Variants in UGT1A3 observed in about 807,000 individuals in gnomAD.
UGT1A3 encodes UDP glucuronosyltransferase family 1 member A3.
UGT1A3 carries 31 observed loss-of-function variants against 41.0 expected under a neutral mutation model. The ratio of observed to expected loss-of-function variants is 0.76; its 90% CI spans 0.57 to 1.02. The LOEUF (loss-of-function observed/expected upper bound fraction) is 1.02. Among genes scored for constraint, UGT1A3 ranks in the 50% least tolerant of loss-of-function variants. The pLI is 0.00. For missense variants in UGT1A3, 737 were observed against 671.0 expected (o/e 1.10, Z -1.09); for synonymous variants, 262 against 257.6 (o/e 1.02, Z -0.17).
chr2:233,738,397 G>A (rs1161112118), intron 1 of UGT1A3, among the ~76,000 whole-genome samples: 2 of 152,236 alleles, frequency 1.3e-5, no homozygotes, highest in Non-Finnish European at 2.9e-5. Context: ...AAGTGACTTG[G>A]AACTGGGTAA....
chr2:233,743,876 G>A (rs1382161508), intron 1 of UGT1A3: 2 of 1,367,016 alleles, frequency 1.5e-6, no homozygotes. Flanking sequence ...CTCGGATGAG[G>A]CCTGCCGGGG....
At chr2:233,734,961 G>T (rs2078591485) in intron 1 of UGT1A3, among the ~76,000 whole-genome samples, 1 of 152,202 alleles carries the variant, frequency 6.6e-6, no homozygotes, top group South Asian at 2.1e-4. Flanking sequence ...GAATAAGTGT[G>T]ATGTGGTGCT....
At chr2:233,747,652 A>G in intron 1 of UGT1A3, 1 of 1,589,470 alleles carries the variant, frequency 6.3e-7, no homozygotes, top group East Asian at 2.2e-5. Flanking sequence ...ACTTCCTTCG[A>G]TGTGGTTTTA....
intron 1 of UGT1A3, among the ~76,000 whole-genome samples, chr2:233,740,113 T>C (rs1443736417): frequency 6.6e-6 from 1 of 151,884 alleles, no homozygotes. Flanking sequence ...CCTTTGCTTA[T>C]CTCTCACCTT....
intron 1 of UGT1A3, chr2:233,755,174 G>T (rs868590389): frequency 1.1e-5 from 14 of 1,248,736 alleles, no homozygotes; most frequent in Middle Eastern, 4.4e-4. Flanking sequence ...GGTTTTTGTC[G>T]GGGTGCCACT....
intron 1 of UGT1A3, chr2:233,760,819 A>C (rs1210599713): frequency 1.2e-6 from 2 of 1,613,450 alleles, no homozygotes. Context: ...ACTGCCATGC[A>C]GCCTGGAATT....
chr2:233,743,044 G>GTCT, intron 1 of UGT1A3: 2 of 317,270 alleles, frequency 6.3e-6, no homozygotes, highest in Non-Finnish European at 1.2e-5. Flanking sequence ...TCCTATCCGT[G>GTCT]TAGTCCCAAC....
chr2:233,738,651 A>G (rs1690862678), intron 1 of UGT1A3, among the ~76,000 whole-genome samples: 1 of 152,234 alleles, frequency 6.6e-6, no homozygotes, highest in Non-Finnish European at 1.5e-5. Context: ...GCTCTTTGGA[A>G]CTACGAACTT....
rs34681509 is a variant in UGT1A3 at position 233,762,717 on chromosome 2, GT to G, written c.868-4305del. On this transcript the variant is annotated intron_variant, in intron 1 of 4. Transcript: ENST00000482026. ...CATCTTTTCTTAAGTATTTTACACGGTTTTTTTTTTTTGGTCACTACTGTGA... is the reference window on the plus strand; with the variant it reads ...CATCTTTTCTTAAGTATTTTACACGGTTTTTTTTTTTGGTCACTACTGTGA... Among the ~76,000 whole-genome samples the G allele has an allele frequency of 9.0e-3, 1,271 of 141,024 alleles. 11 individuals carry two copies. The highest frequency in any genetic ancestry group is 0.017 in the Admixed American group (234 of 14,104). The allele number at this position is 141,024 out of a possible 152,430, so 92.5% of individuals were successfully genotyped here.
rs587776764 is a variant in UGT1A3 at position 233,761,152 on chromosome 2, G to C, written c.868-5882G>C. ...CCTTCACCAAAATCCACTATCCCAG[G>C]TGTGTATTGGAGTGGGACTTTTACA... is the stretch of plus-strand genomic sequence containing the variant. On this transcript the variant is annotated intron_variant, in intron 1 of 4. Coordinates refer to ENST00000482026, the MANE Select transcript of UGT1A3 (RefSeq NM_019093.4). The C allele has an allele frequency of 2.5e-6, 4 of 1,614,084 alleles. No homozygotes were observed. The African/African-American group carries it at 4.0e-5, about 16-fold the overall frequency.
rs113010112 is a variant in UGT1A3, at chr2:233,729,455, T to A, written c.329T>A (p.Phe110Tyr). ...GAAACAGAACATTTTCTGAAGAAAT[T>A]TTTCAGAAGTATGGCAATGTTGAAC... The part of the protein sequence containing the change: ...YFETEHFLKK[F>Y]FRSMAMLNNM... Residue 110 changes from phenylalanine to tyrosine, a missense_variant, in exon 1 of 5, where the codon TTT becomes TAT. Coordinates refer to ENST00000482026, the MANE Select transcript of UGT1A3 (RefSeq NM_019093.4). The A allele has an allele frequency of 2.5e-6, 4 of 1,614,068 alleles. No individual in the cohort carries two copies. In the African/African-American group the frequency reaches 5.3e-5, roughly 22 times the overall value.
At chr2:233,734,402 G>T (rs2078521396) in intron 1 of UGT1A3, among the ~76,000 whole-genome samples, 1 of 152,028 alleles carries the variant, frequency 6.6e-6, no homozygotes. Flanking sequence ...GCGTCTATTT[G>T]ATTCTTCTCT....
chr2:233,743,820 C>T (rs753368953), intron 1 of UGT1A3: 5 of 1,367,258 alleles, frequency 3.7e-6, no homozygotes, highest in Non-Finnish European at 4.9e-6. Context: ...GGGTTTTTGT[C>T]GGGGTGCCAC....
At position 233,760,587 on chromosome 2, in the gene UGT1A3, T is replaced by C. The variant is rs374655757; in HGVS notation, c.868-6447T>C. ...TTGTTAGTCTCGGGCATAATGTTTT[T>C]GAGAATGATTCTTTCCTGCAGCGTG... On this transcript the variant is annotated intron_variant, in intron 1 of 4. Coordinates refer to ENST00000482026, the MANE Select transcript of UGT1A3 (RefSeq NM_019093.4). 5 of 1,614,120 alleles carry C rather than the reference T, an allele frequency of 3.1e-6. No homozygotes were observed. Among genetic ancestry groups the C allele is most frequent in the Non-Finnish European group, 4.2e-6 (5 of 1,180,056 alleles).
At chr2:233,755,240 T>C (rs995550231) in intron 1 of UGT1A3, 23 of 876,322 alleles carry the variant, frequency 2.6e-5, no homozygotes, top group Admixed American at 5.9e-5. Context: ...CCTACCGGGG[T>C]ACTCCCAGCA....
chr2:233,742,026 T>C (rs1691848344), intron 1 of UGT1A3: 1 of 151,940 alleles, frequency 6.6e-6, no homozygotes, highest in South Asian at 2.1e-4. Flanking sequence ...CCTAATTTGA[T>C]ATGTCCCAAG....
At chr2:233,732,848 A>G (rs1171011908) in intron 1 of UGT1A3, among the ~76,000 whole-genome samples, 1 of 145,490 alleles carries the variant, frequency 6.9e-6, no homozygotes, top group African/African-American at 2.6e-5. Context: ...CAATTTTGTG[A>G]AGTCATTGGT....
intron 1 of UGT1A3, among the ~76,000 whole-genome samples, chr2:233,762,537 C>T (rs1182921904): frequency 4.6e-5 from 7 of 152,180 alleles, no homozygotes; most frequent in African/African-American, 1.7e-4. Flanking sequence ...ACTTGTGTAC[C>T]ACAGTGTATT....
rs1699312675 is a variant in UGT1A3, at chr2:233,767,039, T to C, written c.873T>C (p.Phe291=). The change falls in exon 2 of 5, where the codon TTT becomes TTC. Residue 291 remains phenylalanine, a synonymous_variant. Transcript: ENST00000482026. ...AATTTTTCTTCTGGCTCTAGGAATT[T>C]GAAGCCTACATTAATGCTTCTGGAG... ...CANRKPLSQE[F]EAYINASGEH... 1 of 1,614,136 alleles carries C rather than the reference T, an allele frequency of 6.2e-7. No homozygotes were observed. The highest frequency in any genetic ancestry group is 1.1e-5 in the South Asian group (1 of 91,058).
Sources: allele counts gnomAD v4.1 joint callset (sites outside exome capture counted in the v4.1 genomes callset), GRCh38; gene constraint gnomAD v4.1.1; transcripts MANE v1.5; gene names NCBI Gene and HGNC (gene_info 2026-07-23, HGNC 2026-07-21).